ANK2: variants seen among roughly 807,000 people sequenced by gnomAD.
ANK2 encodes the protein ankyrin-2.
Under a neutral mutation model 360.5 loss-of-function variants are expected in ANK2, and 83 were observed. The observed-to-expected ratio is 0.23, with a 90% confidence interval of 0.19 to 0.28. ANK2 has a LOEUF of 0.28. ANK2 is among the 10% of genes least tolerant of loss of function. ANK2 has a pLI of 1.00. For missense variants in ANK2, 4,201 were observed against 4,795.7 expected (o/e 0.88, Z 3.66); for synonymous variants, 1,740 against 1,759.5 (o/e 0.99, Z 0.28).
At chr4:112,809,666 G>A in the ANK2 span, among the ~76,000 whole-genome samples, 3 of 150,784 alleles carry the variant, frequency 2.0e-5, no homozygotes, top group African/African-American at 7.3e-5. Flanking sequence ...CAGATAGCAT[G>A]AGCCCAGGAG....
At chr4:112,881,950 T>G in intron 1 of ANK2, 1 of 639,176 alleles carries the variant, frequency 1.6e-6, no homozygotes, top group South Asian at 1.6e-5. Flanking sequence ...GCCATCTACC[T>G]CCTCCACAGT....
At chr4:113,113,305 A>G (rs1339449289) in intron 1 of ANK2, among the ~76,000 whole-genome samples, 2 of 152,106 alleles carry the variant, frequency 1.3e-5, no homozygotes, top group African/African-American at 2.4e-5. Flanking sequence ...GTTCAATTGC[A>G]TAGCTGCTTC....
At chr4:112,889,246 A>C (rs1198556944) in intron 1 of ANK2, among the ~76,000 whole-genome samples, 1 of 151,676 alleles carries the variant, frequency 6.6e-6, no homozygotes, top group Non-Finnish European at 1.5e-5. Context: ...AAAAAAAAAA[A>C]CAAAACCTTA....
chr4:113,110,039 G>C (rs920042715), intron 1 of ANK2, among the ~76,000 whole-genome samples: 11 of 152,160 alleles, frequency 7.2e-5, no homozygotes, highest in African/African-American at 2.7e-4. Flanking sequence ...TGGTCATGCT[G>C]TTATTAGTCC....
chr4:113,107,064 T>G, intron 1 of ANK2: 1 of 371,930 alleles, frequency 2.7e-6, no homozygotes, highest in Non-Finnish European at 5.3e-6. Flanking sequence ...GTCCCTTTAT[T>G]CTGATTAAGG....
At chr4:112,804,049 C>G in the ANK2 span, among the ~76,000 whole-genome samples, 11 of 148,976 alleles carry the variant, frequency 7.4e-5, no homozygotes, top group African/African-American at 2.5e-4. Context: ...GATGGAGTCT[C>G]GCTCTGTCAC....
intron 2 of ANK2, among the ~76,000 whole-genome samples, chr4:112,998,185 G>A (rs1033528128): frequency 2.0e-5 from 3 of 151,976 alleles, no homozygotes; most frequent in African/African-American, 2.4e-5. Context: ...ATAAATAATC[G>A]CCATTTTCAA....
intron 2 of ANK2, among the ~76,000 whole-genome samples, chr4:112,923,513 G>A (rs2091992160): frequency 6.6e-6 from 1 of 151,682 alleles, no homozygotes; most frequent in African/African-American, 2.4e-5. Flanking sequence ...TAAAATTGGG[G>A]AAAAATAACA....
chr4:113,250,837 A>G (rs1034670317), intron 10 of ANK2, among the ~76,000 whole-genome samples: 2 of 151,040 alleles, frequency 1.3e-5, no homozygotes, highest in Admixed American at 1.3e-4. Flanking sequence ...ACACAAACAA[A>G]TATTTTTCAA....
chr4:112,897,747 T>C (rs186002471), intron 1 of ANK2, among the ~76,000 whole-genome samples: 15 of 152,276 alleles, frequency 9.9e-5, no homozygotes, highest in Admixed American at 9.8e-4. Flanking sequence ...CAATTCCCCT[T>C]GCTCACCGTT....
chr4:113,302,612 G>A, intron 22 of ANK2, among the ~76,000 whole-genome samples, 155 bp from the exon 23 acceptor site: 1 of 152,184 alleles, frequency 6.6e-6, no homozygotes, highest in East Asian at 1.9e-4. Context: ...GAGTTTTCAT[G>A]AAAGCAAATT....
At chr4:113,368,722 GAAATGAGTAATGAAATTATCTCT>G (rs1455668106) in intron 42 of ANK2, among the ~76,000 whole-genome samples, 2 of 152,170 alleles carry the variant, frequency 1.3e-5, no homozygotes, top group African/African-American at 4.8e-5. Context: ...AGAAGAGGAT[GAAATGAGTAATGAAATTATCTCT>G]TCTTCCACTG....
At position 113,353,559 on chromosome 4, in the gene ANK2, T is replaced by C. The variant is rs1588897925; in HGVS notation, c.4941T>C (p.Cys1647=). Residue 1647 remains cysteine, a synonymous_variant, in exon 38 of 46, where the codon TGT becomes TGC. Transcript: ENST00000357077. The stretch of plus-strand genomic sequence containing the variant: ...ACCTTACTGATGATCTGAATACCTG[T>C]GTGCCTCTTCCCAAAGAGCAGCTGC... The part of the protein sequence containing the change: ...VNYLTDDLNT[C]VPLPKEQLQT... 6.2e-7 allele frequency: 1 copy of C among 1,614,042 alleles called. No individual in the cohort carries two copies.
chr4:112,911,585 A>C (rs1245799736), intron 2 of ANK2, among the ~76,000 whole-genome samples: 1 of 152,132 alleles, frequency 6.6e-6, no homozygotes, highest in African/African-American at 2.4e-5. Context: ...AGCCTGTTGA[A>C]TAGCTGGGAC....
At chr4:112,749,704 T>C in the ANK2 span, among the ~76,000 whole-genome samples, 8 of 152,212 alleles carry the variant, frequency 5.3e-5, no homozygotes, top group South Asian at 1.4e-3. Flanking sequence ...TCATAGAACA[T>C]AACAGTTGCT....
chr4:113,204,375 A>G (rs2098912273), intron 4 of ANK2, among the ~76,000 whole-genome samples: 1 of 152,164 alleles, frequency 6.6e-6, no homozygotes, highest in African/African-American at 2.4e-5. Context: ...TTAGGAAAAT[A>G]TGACTTTTTT....
At chr4:112,969,200 T>C (rs1239064467) in intron 2 of ANK2, among the ~76,000 whole-genome samples, 1 of 152,212 alleles carries the variant, frequency 6.6e-6, no homozygotes, top group Non-Finnish European at 1.5e-5. Flanking sequence ...GAGCTCTTTT[T>C]GAATCCACAC....
intron 22 of ANK2, 80 bp downstream of exon 22, chr4:113,293,618 C>G: frequency 2.2e-6 from 3 of 1,342,470 alleles, no homozygotes; most frequent in Non-Finnish European, 3.1e-6. Flanking sequence ...CTTTTTCACT[C>G]ACAAGATGTT....
chr4:112,804,229 C>G, the ANK2 span, among the ~76,000 whole-genome samples: 1 of 152,122 alleles, frequency 6.6e-6, no homozygotes, highest in African/African-American at 2.4e-5. Flanking sequence ...ACCGTGTTAG[C>G]TAGGATGGTC....
Sources: gnomAD v4.1 joint callset for allele counts (sites outside exome capture counted in the v4.1 genomes callset) on GRCh38, gnomAD v4.1.1 for gene constraint, MANE v1.5 for transcripts, NCBI Gene and HGNC (gene_info 2026-07-23, HGNC 2026-07-21) for gene names.